Variants in DHX35 observed in about 807,000 individuals in gnomAD.
DHX35 encodes the protein probable ATP-dependent RNA helicase DHX35.
Under a neutral mutation model 99.6 loss-of-function variants are expected in DHX35, and 84 were observed. The ratio of observed to expected loss-of-function variants is 0.84; its 90% CI spans 0.71 to 1.01. The LOEUF is 1.01. Ranked by LOEUF, DHX35 falls within the 50% of genes least tolerant of loss-of-function variation. DHX35 has a pLI of 0.00. For missense variants in DHX35, 852 were observed against 888.5 expected, an observed-to-expected ratio of 0.96 and a Z score of 0.52; for synonymous variants, 331 against 316.2, an observed-to-expected ratio of 1.05 and a Z score of -0.50.
At chr20:39,016,750 C>T (rs899926658) in intron 14 of DHX35, among the ~76,000 whole-genome samples, 11 of 151,990 alleles carry the variant, frequency 7.2e-5, no homozygotes, top group African/African-American at 2.4e-5. Context: ...TTTTGATTTG[C>T]GTTTCCCTGA....
chr20:38,963,000 T>C (rs1348879830), intron 1 of DHX35: 2 of 152,714 alleles, frequency 1.3e-5, no homozygotes, highest in Non-Finnish European at 2.9e-5. Context: ...AGGGAAAGTG[T>C]GTTATTTTCT....
At chr20:39,004,663 A>G (rs190678449) in intron 11 of DHX35, among the ~76,000 whole-genome samples, 80 of 152,298 alleles carry the variant, frequency 5.3e-4, no homozygotes, top group African/African-American at 1.9e-3. Flanking sequence ...GAGAGTGAGG[A>G]AGGGTGTGGT....
chr20:39,030,900 C>T (rs1600454083), intron 20 of DHX35, 125 bp downstream of exon 20: 14 of 1,027,204 alleles, frequency 1.4e-5, no homozygotes, highest in Admixed American at 2.3e-5. Flanking sequence ...TGGTGGCTCA[C>T]GCCTGTAATC....
chr20:39,025,002 G>A (rs557791569), intron 17 of DHX35, among the ~76,000 whole-genome samples: 3 of 152,316 alleles, frequency 2.0e-5, no homozygotes, highest in African/African-American at 7.2e-5. Context: ...GTGTCATTAA[G>A]TTCTCATTTG....
At chr20:38,962,455 G>A (rs2085845936) in intron 1 of DHX35, 48 bp downstream of exon 1, 1 of 1,598,650 alleles carries the variant, frequency 6.3e-7, no homozygotes, top group Admixed American at 1.7e-5. Flanking sequence ...CCTGACTTCG[G>A]TCTTGGCGCC....
In DHX35 at chr20:38,978,160, G is replaced by C. The variant is rs1416940845; in HGVS notation, c.267+5509G>C. 10 of 960,828 alleles carry C rather than the reference G, an allele frequency of 1.0e-5. No individual in the cohort carries two copies. The Admixed American group carries it at 1.7e-4, about 16-fold the overall frequency. The allele number at this position is 960,828 out of a possible 1,614,324, so 59.5% of individuals were successfully genotyped here. The stretch of plus-strand genomic sequence containing the variant: ...TGGTATTATTTCAAAGCCCCTAAGG[G>C]AAATCATTGGCTGTACAGACATTTT... On this transcript the variant is annotated intron_variant, in intron 3 of 21. Transcript: ENST00000252011.
chr20:38,979,632 T>C (rs921810678), intron 3 of DHX35, among the ~76,000 whole-genome samples: 1 of 152,170 alleles, frequency 6.6e-6, no homozygotes, highest in Admixed American at 6.5e-5. Context: ...TCCAACTTAT[T>C]GTGAAGCTAA....
At chr20:39,011,654 T>C (rs1010863572) in intron 13 of DHX35, among the ~76,000 whole-genome samples, 2 of 152,246 alleles carry the variant, frequency 1.3e-5, no homozygotes, top group Non-Finnish European at 2.9e-5. Context: ...TTGGTTATTC[T>C]TGCCCTTATG....
chr20:39,024,685 T>G (rs2086924675), intron 17 of DHX35, among the ~76,000 whole-genome samples: 1 of 152,240 alleles, frequency 6.6e-6, no homozygotes, highest in Non-Finnish European at 1.5e-5. Context: ...GCACTTTAAC[T>G]TACAATAGAA....
intron 17 of DHX35, among the ~76,000 whole-genome samples, chr20:39,024,370 A>G (rs889849932): frequency 6.6e-6 from 1 of 152,276 alleles, no homozygotes; most frequent in African/African-American, 2.4e-5. Context: ...AAGAAAGGGT[A>G]TAATACTTCA....
chr20:38,962,430 G>C (rs550769325), intron 1 of DHX35, 23 bp downstream of exon 1: 1 of 1,610,086 alleles, frequency 6.2e-7, no homozygotes, highest in East Asian at 2.2e-5. Context: ...GTGGAACGCT[G>C]GGCAGATGCG....
At chr20:39,023,655 G>A (rs372210692) in intron 16 of DHX35, 35 bp from the exon 17 acceptor site, 5 of 1,603,206 alleles carry the variant, frequency 3.1e-6, no homozygotes, top group Non-Finnish European at 4.3e-6. Context: ...ACCCAGCAAA[G>A]AGTGAAATTC....
At chr20:38,986,796 A>G (rs1345740784) in intron 4 of DHX35, among the ~76,000 whole-genome samples, 2 of 152,256 alleles carry the variant, frequency 1.3e-5, no homozygotes, top group African/African-American at 4.8e-5. Context: ...TTGAAAGCCT[A>G]CATGATATAG....
rs1480524682 is a variant in DHX35, at chr20:39,010,258, A to G, written c.1223-22A>G. 4 of 1,613,964 alleles carry G rather than the reference A, an allele frequency of 2.5e-6. No homozygotes were observed. In the South Asian group the frequency reaches 3.3e-5, roughly 13 times the overall value. ...TTGATTGTGACATTTGGTCCCAAAC[A>G]GTTCTGATTTCCTATCCTCAGAGGA... On this transcript the variant is annotated intron_variant, in intron 12 of 21. Coordinates refer to ENST00000252011, the MANE Select transcript of DHX35 (RefSeq NM_021931.4).
chr20:38,987,530 G>A (rs1036779455), intron 4 of DHX35, among the ~76,000 whole-genome samples: 1 of 152,022 alleles, frequency 6.6e-6, no homozygotes, highest in Non-Finnish European at 1.5e-5. Context: ...CACCGCGTCC[G>A]GTCCTATTTT....
At chr20:39,018,305 C>T (rs918793912) in intron 14 of DHX35, among the ~76,000 whole-genome samples, 7 of 151,942 alleles carry the variant, frequency 4.6e-5, no homozygotes, top group African/African-American at 1.7e-4. Flanking sequence ...AGTGAGGGGG[C>T]AATGGAGATG....
In DHX35 at chr20:39,018,817, CT is replaced by C. The variant is rs1372436097; in HGVS notation, c.1417del (p.Cys473ValfsTer3). On this transcript the variant is annotated frameshift_variant, in exon 15 of 22. Transcript: ENST00000252011. LOFTEE classifies it high-confidence loss of function. ...TTCTTATGGCAGGTCTGGACAAAGA[CT>C]GTCGCCTAACTGAACCGCTTGGCAT... is the stretch of plus-strand genomic sequence containing the variant. ...LYALGGLDKDCRLTEPLGMRI... is the reference protein window; with the variant it reads ...LYALGGLDKDXRLTEPLGMRI... 6.2e-7 allele frequency: 1 copy of C among 1,613,762 alleles called. No individual in the cohort carries two copies. The highest frequency in any genetic ancestry group is 8.5e-7 in the Non-Finnish European group (1 of 1,179,878).
intron 8 of DHX35, among the ~76,000 whole-genome samples, chr20:38,996,654 C>T (rs2086434332): frequency 6.6e-6 from 1 of 152,190 alleles, no homozygotes; most frequent in Admixed American, 6.5e-5. Context: ...CTCCTAGTCT[C>T]CCTGTGGCTT....
intron 8 of DHX35, among the ~76,000 whole-genome samples, chr20:39,001,199 C>T (rs367724053): frequency 2.6e-5 from 4 of 152,240 alleles, no homozygotes; most frequent in African/African-American, 4.8e-5. Flanking sequence ...TACTGTAGGG[C>T]GTGTAAAGAT....
Sources: allele counts gnomAD v4.1 joint callset (sites outside exome capture counted in the v4.1 genomes callset), GRCh38; gene constraint gnomAD v4.1.1; transcripts MANE v1.5; gene names NCBI Gene and HGNC (gene_info 2026-07-23, HGNC 2026-07-21).